Variants in DPP10 observed in about 807,000 individuals in gnomAD.
The protein encoded by DPP10 is inactive dipeptidyl peptidase 10.
DPP10 carries 33 observed loss-of-function variants against 120.9 expected under a neutral mutation model. That is an observed-to-expected ratio of 0.27 (90% confidence interval 0.21 to 0.37). The LOEUF is 0.37. Ranked by LOEUF, DPP10 falls within the 10% of genes least tolerant of loss-of-function variation. The pLI, the probability that DPP10 is intolerant of heterozygous loss-of-function variation, is 1.00. For missense variants in DPP10, 816 were observed against 942.8 expected (o/e 0.87, Z 1.76); for synonymous variants, 337 against 326.1 (o/e 1.03, Z -0.36).
At chr2:115,557,662 A>T (rs2080301440) in intron 5 of DPP10, among the ~76,000 whole-genome samples, 1 of 152,116 alleles carries the variant, frequency 6.6e-6, no homozygotes, top group Admixed American at 6.5e-5. Flanking sequence ...TACCCAGCAC[A>T]TTTTTCCAGA....
intron 1 of DPP10, among the ~76,000 whole-genome samples, chr2:114,757,238 G>GAAGGAAGGAAAGAAAGGGAAGAGGGAGA (rs375620001): frequency 6.8e-6 from 1 of 146,436 alleles, no homozygotes; most frequent in East Asian, 2.0e-4. Context: ...GAAGAGGGAG[G>GAAGGAAGGAAAGAAAGGGAAGAGGGAGA]AAGGAAGGAA....
intron 1 of DPP10, chr2:114,835,597 C>T (rs1435255866): frequency 6.6e-6 from 1 of 152,142 alleles, no homozygotes. Flanking sequence ...ATCACTTTTT[C>T]CATAAATCCA....
intron 1 of DPP10, among the ~76,000 whole-genome samples, chr2:114,603,607 T>G (rs1692550620): frequency 6.6e-6 from 1 of 152,096 alleles, no homozygotes. Context: ...GTTTTCACCC[T>G]GGCTCCAGTA....
intron 1 of DPP10, among the ~76,000 whole-genome samples, chr2:115,129,616 G>T (rs1212859772): frequency 6.6e-6 from 1 of 152,136 alleles, no homozygotes; most frequent in African/African-American, 2.4e-5. Flanking sequence ...TTCTTGCCAT[G>T]CCAAACCATC....
chr2:115,384,707 A>AAAGAAG (rs139572526), intron 3 of DPP10, among the ~76,000 whole-genome samples: 11,092 of 148,412 alleles, frequency 0.075, 470 homozygotes, highest in Middle Eastern at 0.093. Flanking sequence ...AAGAAAGAAG[A>AAAGAAG]AAGAAGAAGA....
At chr2:114,713,565 T>C (rs1369702) in intron 1 of DPP10, among the ~76,000 whole-genome samples, 117,696 of 152,160 alleles carry the variant, frequency 0.77, 45,765 homozygotes, top group Middle Eastern at 0.89. Flanking sequence ...CTTTGAGCAG[T>C]ATGTCACTCA....
At chr2:115,745,569 C>A (rs904546300) in intron 9 of DPP10, among the ~76,000 whole-genome samples, 3 of 150,364 alleles carry the variant, frequency 2.0e-5, no homozygotes, top group Non-Finnish European at 4.4e-5. Context: ...AAGGAAAGCC[C>A]GGGAGATTAA....
intron 7 of DPP10, among the ~76,000 whole-genome samples, chr2:115,724,034 A>T (rs186292147): frequency 6.6e-6 from 1 of 152,336 alleles, no homozygotes; most frequent in East Asian, 1.9e-4. Flanking sequence ...CTAATGTTTA[A>T]TTATGTATCT....
At chr2:115,621,509 G>T (rs2084939491) in intron 5 of DPP10, among the ~76,000 whole-genome samples, 4 of 152,076 alleles carry the variant, frequency 2.6e-5, no homozygotes, top group Admixed American at 2.6e-4. Flanking sequence ...TTCTATGCAG[G>T]CCTTTCACTT....
intron 5 of DPP10, among the ~76,000 whole-genome samples, chr2:115,672,798 G>T (rs571249603): frequency 4.0e-5 from 6 of 150,552 alleles, no homozygotes; most frequent in Admixed American, 3.3e-4. Context: ...CCAGGCTGGA[G>T]TGCAGTGGCC....
At chr2:115,408,734 C>T (rs533142824) in intron 3 of DPP10, among the ~76,000 whole-genome samples, 1 of 151,752 alleles carries the variant, frequency 6.6e-6, no homozygotes, top group Non-Finnish European at 1.5e-5. Context: ...TCTAAGACAA[C>T]CTTTTGAGAG....
intron 21 of DPP10, among the ~76,000 whole-genome samples, chr2:115,835,531 T>G (rs948547652): frequency 6.6e-6 from 1 of 152,156 alleles, no homozygotes; most frequent in Admixed American, 6.5e-5. Context: ...CAAGGGAAAC[T>G]TCCAGCCTTG....
chr2:114,991,814 G>C (rs191067353), intron 1 of DPP10, among the ~76,000 whole-genome samples: 1 of 152,186 alleles, frequency 6.6e-6, no homozygotes, highest in African/African-American at 2.4e-5. Flanking sequence ...ATTGTATGGA[G>C]GTTGTGAATG....
chr2:115,644,846 C>G (rs751018280), intron 5 of DPP10, among the ~76,000 whole-genome samples: 1 of 152,184 alleles, frequency 6.6e-6, no homozygotes, highest in Non-Finnish European at 1.5e-5. Flanking sequence ...AGTTAACAGT[C>G]AGTACCACTA....
intron 5 of DPP10, among the ~76,000 whole-genome samples, chr2:115,616,864 T>C (rs1181075906): frequency 2.0e-5 from 3 of 152,106 alleles, no homozygotes; most frequent in African/African-American, 7.2e-5. Flanking sequence ...CGTCTCATGC[T>C]ACTGACTGCA....
intron 2 of DPP10, among the ~76,000 whole-genome samples, chr2:115,335,905 AG>A (rs1170981072): frequency 3.9e-5 from 6 of 152,104 alleles, no homozygotes; most frequent in African/African-American, 1.4e-4. Context: ...TCACGTGAGT[AG>A]AAAGGAAAAT....
At chr2:115,087,873 G>T (rs1208417050) in intron 1 of DPP10, among the ~76,000 whole-genome samples, 1 of 152,134 alleles carries the variant, frequency 6.6e-6, no homozygotes, top group Non-Finnish European at 1.5e-5. Flanking sequence ...TTTCTAACAA[G>T]TTCTCAAGTT....
chr2:114,910,018 A>ATG (rs900074900), intron 1 of DPP10, among the ~76,000 whole-genome samples: 1 of 151,696 alleles, frequency 6.6e-6, no homozygotes, highest in African/African-American at 2.4e-5. Context: ...ATATATAAAC[A>ATG]TGTGTGTGTA....
chr2:114,889,974 A>G (rs1462094982), intron 1 of DPP10, among the ~76,000 whole-genome samples: 2 of 152,216 alleles, frequency 1.3e-5, no homozygotes, highest in Non-Finnish European at 2.9e-5. Context: ...GACTAGATAC[A>G]ATTCCACAAA....
Sources: gnomAD v4.1 joint callset for allele counts (sites outside exome capture counted in the v4.1 genomes callset) on GRCh38, gnomAD v4.1.1 for gene constraint, MANE v1.5 for transcripts, NCBI Gene and HGNC (gene_info 2026-07-23, HGNC 2026-07-21) for gene names.